Variants in AUH observed in about 807,000 individuals in gnomAD.
AUH encodes the protein methylglutaconyl-CoA hydratase, mitochondrial.
In AUH, 29 loss-of-function variants were observed where a neutral mutation model predicts 42.3. The observed-to-expected ratio is 0.69, with a 90% CI of 0.51 to 0.93. The LOEUF is 0.93. Ranked by LOEUF, AUH falls within the 40% of genes least tolerant of loss-of-function variation. The pLI, the probability that AUH is intolerant of heterozygous loss-of-function variation, is 0.00. For missense variants in AUH, 452 were observed against 438.1 expected, an observed-to-expected ratio of 1.03 and a Z score of -0.28; for synonymous variants, 174 against 166.4, an observed-to-expected ratio of 1.05 and a Z score of -0.35.
In AUH at chr9:91,276,383, A is replaced by G. The variant is rs117408682; in HGVS notation, c.655+19638T>C. On this transcript the variant is annotated intron_variant, in intron 6 of 9. Coordinates refer to ENST00000375731, the MANE Select transcript of AUH (RefSeq NM_001698.3). ...GAGGCAGAGGTTGCAGTGAGCTGAG[A>G]CTGCAGATGACAGAGTAAGACCCTG... Among the ~76,000 whole-genome samples, 130 of 151,568 alleles carry G rather than the reference A, an allele frequency of 8.6e-4. No homozygotes were observed. In the East Asian group the frequency reaches 0.016, roughly 18 times the overall value.
At chr9:91,360,421 G>A (rs1427882468) in intron 1 of AUH, 1 of 152,162 alleles carries the variant, frequency 6.6e-6, no homozygotes, top group Non-Finnish European at 1.5e-5. Context: ...CCATGCCTTT[G>A]ACCATGTTCT....
chr9:91,249,276 G>A (rs368957403), intron 6 of AUH, among the ~76,000 whole-genome samples: 14 of 115,758 alleles, frequency 1.2e-4, no homozygotes, highest in African/African-American at 3.9e-4. Flanking sequence ...TTGCCTGGGC[G>A]ACAGAGAACC....
At chr9:91,270,967 T>C (rs905229017) in intron 6 of AUH, among the ~76,000 whole-genome samples, 1 of 152,208 alleles carries the variant, frequency 6.6e-6, no homozygotes, top group Non-Finnish European at 1.5e-5. Context: ...AAAATACTAA[T>C]GCATGAATTG....
intron 6 of AUH, among the ~76,000 whole-genome samples, chr9:91,283,691 A>G (rs1826164819): frequency 6.6e-6 from 1 of 152,224 alleles, no homozygotes; most frequent in South Asian, 2.1e-4. Flanking sequence ...GAGCCAAATC[A>G]TGAGTGAACT....
intron 4 of AUH, among the ~76,000 whole-genome samples, chr9:91,320,772 C>T (rs1051465606): frequency 2.0e-5 from 3 of 152,304 alleles, no homozygotes; most frequent in African/African-American, 4.8e-5. Context: ...GGGTCCTGCA[C>T]GTGACCCATA....
intron 4 of AUH, among the ~76,000 whole-genome samples, chr9:91,310,551 C>G (rs563459587): frequency 2.1e-4 from 32 of 152,176 alleles, no homozygotes; most frequent in Non-Finnish European, 4.0e-4. Context: ...GATTCCACAT[C>G]AAGAGATCAA....
At chr9:91,315,878 G>A (rs564222778) in intron 4 of AUH, among the ~76,000 whole-genome samples, 2 of 152,100 alleles carry the variant, frequency 1.3e-5, no homozygotes, top group South Asian at 4.1e-4. Flanking sequence ...TGTATATGTT[G>A]ATTTTATTAC....
intron 6 of AUH, among the ~76,000 whole-genome samples, chr9:91,247,315 G>T (rs769435073): frequency 1.3e-5 from 2 of 152,132 alleles, no homozygotes; most frequent in African/African-American, 2.4e-5. Context: ...CCATAAAGGT[G>T]GTTGCCACAG....
At chr9:91,274,158 C>CA (rs1197109452) in intron 6 of AUH, among the ~76,000 whole-genome samples, 5 of 151,046 alleles carry the variant, frequency 3.3e-5, no homozygotes, top group Non-Finnish European at 5.9e-5. Context: ...GAAACAAATC[C>CA]AAAAAAAATA....
intron 3 of AUH, among the ~76,000 whole-genome samples, chr9:91,331,286 G>A (rs554363061): frequency 1.2e-4 from 18 of 152,198 alleles, no homozygotes; most frequent in Non-Finnish European, 2.4e-4. Flanking sequence ...CACAATATTC[G>A]ATGTCATAAA....
intron 6 of AUH, among the ~76,000 whole-genome samples, chr9:91,295,464 C>G (rs542110864): frequency 4.6e-5 from 7 of 152,136 alleles, no homozygotes; most frequent in Non-Finnish European, 1.0e-4. Flanking sequence ...GAGTAAAATG[C>G]TATCAAACAG....
intron 6 of AUH, among the ~76,000 whole-genome samples, chr9:91,257,033 CTT>C (rs1440303600): frequency 2.0e-5 from 3 of 152,140 alleles, no homozygotes; most frequent in East Asian, 1.9e-4. Context: ...GGGTGTTGCT[CTT>C]GTCTCTGAGG....
chr9:91,255,030 T>C (rs1386647533), intron 6 of AUH, among the ~76,000 whole-genome samples: 2 of 152,222 alleles, frequency 1.3e-5, no homozygotes, highest in African/African-American at 2.4e-5. Context: ...CAAACTGTCA[T>C]ACCAAAGTTG....
intron 3 of AUH, among the ~76,000 whole-genome samples, chr9:91,354,324 A>C (rs920105508): frequency 9.9e-5 from 15 of 152,262 alleles, no homozygotes; most frequent in African/African-American, 3.6e-4. Context: ...ATCTTGAGTT[A>C]AAAGATTATC....
intron 6 of AUH, among the ~76,000 whole-genome samples, chr9:91,287,202 A>C (rs1466085189): frequency 6.6e-6 from 1 of 152,190 alleles, no homozygotes; most frequent in Non-Finnish European, 1.5e-5. Context: ...TGAGAAGAAC[A>C]CAAATTCTTG....
intron 3 of AUH, among the ~76,000 whole-genome samples, chr9:91,339,785 T>C (rs1830967317): frequency 1.3e-5 from 2 of 152,182 alleles, no homozygotes; most frequent in Non-Finnish European, 2.9e-5. Context: ...GCTCAGCTAT[T>C]GATCAACAGG....
Position 91,227,288 on chromosome 9 carries a change from C to G in AUH, c.656-6296G>C, listed in dbSNP as rs1472549997. Among the ~76,000 whole-genome samples, 6 of 136,678 alleles carry G rather than the reference C, an allele frequency of 4.4e-5. No individual in the cohort carries two copies. The East Asian group carries it at 1.3e-3, about 30-fold the overall frequency. 89.7% of individuals were successfully genotyped at this position (136,678 alleles called of 152,430 possible). On this transcript the variant is annotated intron_variant, in intron 6 of 9. Coordinates refer to ENST00000375731, the MANE Select transcript of AUH (RefSeq NM_001698.3). ...TTCACATCCCTTGTAAGTTGGATTCCTAGGTATTTTATTCTCTTTGAAGCA... is the reference window on the plus strand; with the variant it reads ...TTCACATCCCTTGTAAGTTGGATTCGTAGGTATTTTATTCTCTTTGAAGCA...
chr9:91,235,629 G>T (rs553157371), intron 6 of AUH, among the ~76,000 whole-genome samples: 1 of 152,324 alleles, frequency 6.6e-6, no homozygotes, highest in East Asian at 1.9e-4. Context: ...ACAAATGTCA[G>T]CAAGACCTGG....
chr9:91,340,159 T>A (rs1418520331), intron 3 of AUH, among the ~76,000 whole-genome samples: 2 of 152,190 alleles, frequency 1.3e-5, no homozygotes, highest in Non-Finnish European at 2.9e-5. Context: ...CCAGCAGGAA[T>A]AGAGAGAACT....
Sources: allele counts gnomAD v4.1 joint callset (sites outside exome capture counted in the v4.1 genomes callset), GRCh38; gene constraint gnomAD v4.1.1; transcripts MANE v1.5; gene names NCBI Gene and HGNC (gene_info 2026-07-23, HGNC 2026-07-21).